The following PCNX2 variants were observed in gnomAD, a reference collection of about 807,000 sequenced individuals.
PCNX2 encodes the protein pecanex-like protein 2.
In PCNX2, 168 loss-of-function variants were observed where a neutral mutation model predicts 223.8. The observed-to-expected ratio is 0.75, with a 90% CI of 0.66 to 0.85. The LOEUF is 0.85. Among genes scored for constraint, PCNX2 ranks in the 40% least tolerant of loss-of-function variants. The probability of loss-of-function intolerance (pLI) is 0.00; values close to 1 mark genes in which losing one functional copy is unlikely to be tolerated. For synonymous variants in PCNX2, 1,006 were observed against 1,052.6 expected, an observed-to-expected ratio of 0.96 and a Z score of 0.86; for missense variants, 2,507 against 2,675.5, an observed-to-expected ratio of 0.94 and a Z score of 1.39.
At chr1:233,128,065 G>C (rs1419984958) in intron 21 of PCNX2, among the ~76,000 whole-genome samples, 1 of 152,138 alleles carries the variant, frequency 6.6e-6, no homozygotes, top group Non-Finnish European at 1.5e-5. Flanking sequence ...CACCCAGCGT[G>C]GTAGTCCATG....
Position 233,000,455 on chromosome 1 carries a change from G to A in PCNX2, c.5178C>T (p.Val1726=). The part of the protein sequence containing the change: ...EAIQSFEKKV[V]ICHEGDPAWR... Reference sequence around the variant, plus strand: ...AGGCCGGGTCGCCCTCGTGGCAGATGACCACCTTCTTCTCGAAGGACTGGA... The same window carrying A: ...AGGCCGGGTCGCCCTCGTGGCAGATAACCACCTTCTTCTCGAAGGACTGGA... The change falls in exon 30 of 34, where the codon GTC becomes GTT. Residue 1726 remains valine, a synonymous_variant. Transcript: ENST00000258229. This position sits in a 1 kb window ranked among gnomAD's most constrained non-coding sequence, Gnocchi z 4.6. 1 of 1,597,634 alleles carries A rather than the reference G, an allele frequency of 6.3e-7. No homozygotes were observed. Among genetic ancestry groups the A allele is most frequent in the Non-Finnish European group, 8.5e-7 (1 of 1,170,902 alleles).
At chr1:233,267,772 T>C (rs1045100002) in intron 1 of PCNX2, among the ~76,000 whole-genome samples, 3 of 152,156 alleles carry the variant, frequency 2.0e-5, no homozygotes, top group East Asian at 1.9e-4. Flanking sequence ...CATCCATTGG[T>C]GGACATTTGG....
At chr1:233,199,690 C>A (rs958189892) in intron 14 of PCNX2, among the ~76,000 whole-genome samples, 18 of 151,968 alleles carry the variant, frequency 1.2e-4, no homozygotes, top group Non-Finnish European at 2.6e-4. Flanking sequence ...TTTAGGGACA[C>A]AGATCACCTG....
chr1:233,022,190 G>A (rs1033730784), intron 26 of PCNX2, among the ~76,000 whole-genome samples: 6 of 152,182 alleles, frequency 3.9e-5, no homozygotes, highest in Non-Finnish European at 7.3e-5. Flanking sequence ...CAGGCCACCA[G>A]ACCCTTGACT....
At chr1:233,093,039 T>C (rs562792937) in intron 22 of PCNX2, among the ~76,000 whole-genome samples, 8 of 152,292 alleles carry the variant, frequency 5.3e-5, no homozygotes, top group African/African-American at 1.9e-4. Context: ...GACCTCATGA[T>C]CTGCCCTCCT....
chr1:233,048,607 G>C (rs566893602), intron 25 of PCNX2, among the ~76,000 whole-genome samples: 9 of 152,104 alleles, frequency 5.9e-5, no homozygotes, highest in Non-Finnish European at 1.2e-4. Context: ...AAAGGAACTA[G>C]AAAAACAATA....
chr1:233,015,877 A>G (rs1438461133), intron 27 of PCNX2, among the ~76,000 whole-genome samples: 1 of 151,970 alleles, frequency 6.6e-6, no homozygotes, highest in South Asian at 2.1e-4. Flanking sequence ...TTTCTTAAAA[A>G]AAGTTGTCCA....
In PCNX2 at chr1:233,129,079, T is replaced by C. The variant is rs118084227; in HGVS notation, c.3837+5934A>G. 0.012 allele frequency among the ~76,000 whole-genome samples: 1,883 copies of C among 152,304 alleles called. 171 individuals are homozygous for C. In the East Asian group the frequency reaches 0.27, roughly 22 times the overall value. On this transcript the variant is annotated intron_variant, in intron 21 of 33. Transcript: ENST00000258229. ...CTGTGGGGGCCCCTCTCTGGGGTGG[T>C]TGAAGCCAGAGCCGGCTCCCTCAGC...
At chr1:233,081,264 C>T (rs549833673) in intron 23 of PCNX2, among the ~76,000 whole-genome samples, 1 of 152,210 alleles carries the variant, frequency 6.6e-6, no homozygotes, top group Non-Finnish European at 1.5e-5. Context: ...GAGAATTGCT[C>T]AAACCTGGGA....
intron 32 of PCNX2, among the ~76,000 whole-genome samples, chr1:232,988,977 C>G (rs1014150918): frequency 6.6e-6 from 1 of 152,188 alleles, no homozygotes; most frequent in Non-Finnish European, 1.5e-5. Flanking sequence ...AGGTCTCAGG[C>G]AGGAGGGACC....
chr1:233,055,727 C>T (rs1186891583), intron 24 of PCNX2, among the ~76,000 whole-genome samples: 1 of 152,080 alleles, frequency 6.6e-6, no homozygotes, highest in Non-Finnish European at 1.5e-5. Flanking sequence ...ACAGGAAACG[C>T]CTAAAGCAAA....
chr1:233,230,365 T>A (rs1057268474), intron 9 of PCNX2, among the ~76,000 whole-genome samples: 1 of 152,178 alleles, frequency 6.6e-6, no homozygotes, highest in Admixed American at 6.5e-5. Context: ...AGGAGTTTCA[T>A]ATTCATCACT....
At chr1:233,016,833 A>C in intron 27 of PCNX2, 88 bp downstream of exon 27, 1 of 1,520,822 alleles carries the variant, frequency 6.6e-7, no homozygotes, top group Non-Finnish European at 8.9e-7. Flanking sequence ...AAAGTCTACC[A>C]TAGAATATAA....
At chr1:233,262,356 G>A (rs1376123584) in intron 2 of PCNX2, among the ~76,000 whole-genome samples, 191 bp from the exon 3 acceptor site, 1 of 152,040 alleles carries the variant, frequency 6.6e-6, no homozygotes, top group Non-Finnish European at 1.5e-5. Context: ...GCAGTGGCAC[G>A]ATCATGGCTC....
At chr1:233,042,095 A>T (rs888163704) in intron 25 of PCNX2, among the ~76,000 whole-genome samples, 1 of 152,234 alleles carries the variant, frequency 6.6e-6, no homozygotes, top group Non-Finnish European at 1.5e-5. Flanking sequence ...AAATCAAAAA[A>T]ATTCAAAATC....
Position 233,200,140 on chromosome 1 carries a change from T to C in PCNX2, c.2974+14A>G, listed in dbSNP as rs187684462. 37 of 1,526,318 alleles carry C rather than the reference T, an allele frequency of 2.4e-5. No individual in the cohort carries two copies. In the Middle Eastern group the frequency reaches 8.5e-4, roughly 35 times the overall value. 94.5% of individuals were successfully genotyped at this position (1,526,318 alleles called of 1,614,324 possible). On this transcript the variant is annotated intron_variant, in intron 14 of 33. Coordinates refer to ENST00000258229, the MANE Select transcript of PCNX2 (RefSeq NM_014801.4). ...GAATTCCTTTACAGGAAGAATAGAA[T>C]GTAAACGACTTACCAGAACCACCAA...
chr1:233,129,715 G>A (rs529080877), intron 21 of PCNX2, among the ~76,000 whole-genome samples: 19 of 152,170 alleles, frequency 1.2e-4, no homozygotes, highest in Non-Finnish European at 2.6e-4. Flanking sequence ...ATCTGGTGGG[G>A]ACTTGGAGAA....
rs1394586195 is a variant in PCNX2, at chr1:233,258,416, G to C, written c.1446C>G (p.His482Gln). 6.2e-7 allele frequency: 1 copy of C among 1,613,836 alleles called. No individual in the cohort carries two copies. Among genetic ancestry groups the C allele is most frequent in the Non-Finnish European group, 8.5e-7 (1 of 1,179,888 alleles). ...CCCAGGGTTCCCGTGATGAAGAACT[G>C]TGATCCTTGATGGCATTTCCCCCCT... ...SGEGGNAIKDHSSSSREPWES... is the reference protein window; with the variant it reads ...SGEGGNAIKDQSSSSREPWES... Residue 482 changes from histidine (H) to glutamine (Q), a missense_variant, in exon 5 of 34, where the codon CAC (histidine) becomes CAG (glutamine). Physicochemically the swap from His to Gln is conservative, Grantham distance 24. This residue lies in a region of PCNX2 where 1,031 missense variants were observed against 1,021.7 expected (regional missense o/e 1.01). Coordinates refer to ENST00000258229, the MANE Select transcript of PCNX2 (RefSeq NM_014801.4).
chr1:233,169,902 C>T (rs1238749413), intron 17 of PCNX2, among the ~76,000 whole-genome samples: 3 of 151,244 alleles, frequency 2.0e-5, no homozygotes, highest in East Asian at 4.0e-4. Flanking sequence ...TCACTACTTA[C>T]GACTTAGGTA....
Sources: gnomAD v4.1 joint callset for allele counts (sites outside exome capture counted in the v4.1 genomes callset) on GRCh38, gnomAD v4.1.1 for gene constraint, gnomAD v4.1.1 regional missense constraint, Gnocchi (gnomAD v3.1) non-coding constraint, MANE v1.5 for transcripts, NCBI Gene and HGNC (gene_info 2026-07-23, HGNC 2026-07-21) for gene names.